EGF: variants seen among roughly 807,000 people sequenced by gnomAD.
The protein encoded by EGF is epidermal growth factor, also known as pro-epidermal growth factor.
Under a neutral mutation model 143.8 loss-of-function variants are expected in EGF, and 95 were observed. The observed-to-expected ratio is 0.66, with a 90% CI of 0.56 to 0.78. The LOEUF is 0.78. Ranked by LOEUF, EGF falls within the 30% of genes least tolerant of loss-of-function variation. EGF has a pLI of 0.00. For synonymous variants in EGF, 510 were observed against 510.5 expected (o/e 1.00, Z 0.01); for missense variants, 1,320 against 1,470.9 (o/e 0.90, Z 1.68).
At chr4:110,001,059 C>T (rs2126177751) in intron 21 of EGF, among the ~76,000 whole-genome samples, 1 of 152,288 alleles carries the variant, frequency 6.6e-6, no homozygotes, top group South Asian at 2.1e-4. Context: ...CTGCTATAGC[C>T]TAGTGTAGTG....
rs772364753 is a variant in EGF, at chr4:109,988,690, A to G, written c.2715A>G (p.Gly905=). ...GCCGGTGCTCAGAAGGCTACCAAGG[A>G]GATGGGATTCACTGTCTTGGTAAGA... ...YVCRCSEGYQ[G]DGIHCLDIDE... Residue 905 remains glycine (G), a synonymous_variant, in exon 18 of 24, where the codon GGA becomes GGG. Coordinates refer to ENST00000265171, the MANE Select transcript of EGF (RefSeq NM_001963.6). The G allele has an allele frequency of 2.5e-6, 4 of 1,614,010 alleles. No individual in the cohort carries two copies. The highest frequency in any genetic ancestry group is 3.4e-6 in the Non-Finnish European group (4 of 1,179,908).
chr4:109,993,910 G>T (rs1751392794), intron 19 of EGF, among the ~76,000 whole-genome samples: 2 of 151,984 alleles, frequency 1.3e-5, no homozygotes, highest in African/African-American at 4.8e-5. Flanking sequence ...AGGGGAGCTG[G>T]CTTCACCTAG....
chr4:109,938,382 C>T (rs1271632266), intron 1 of EGF, among the ~76,000 whole-genome samples: 1 of 152,212 alleles, frequency 6.6e-6, no homozygotes, highest in Non-Finnish European at 1.5e-5. Flanking sequence ...TTAAGCTCTT[C>T]TCTACACTGT....
At chr4:109,991,211 A>G (rs1434575861) in intron 18 of EGF, among the ~76,000 whole-genome samples, 1 of 136,454 alleles carries the variant, frequency 7.3e-6, no homozygotes, top group African/African-American at 3.5e-5. Flanking sequence ...CAAAATATTA[A>G]CATTTTAATA....
intron 20 of EGF, among the ~76,000 whole-genome samples, chr4:109,998,079 G>A (rs1394990008): frequency 1.3e-5 from 2 of 152,182 alleles, no homozygotes; most frequent in African/African-American, 4.8e-5. Flanking sequence ...ATAAGACTCA[G>A]TGAGGCTCTA....
intron 1 of EGF, among the ~76,000 whole-genome samples, chr4:109,922,824 T>C (rs1049604263): frequency 2.0e-5 from 3 of 151,670 alleles, no homozygotes; most frequent in Non-Finnish European, 4.4e-5. Context: ...GAGTACTAAA[T>C]GGATTAATTC....
rs1231665559 is a variant in EGF, at chr4:109,932,376, T to TATATATATATATATATATATATATAA, written c.128-8569_128-8568insTATATATATATATATATATATATAAA. Among the ~76,000 whole-genome samples, 10 of 126,178 alleles carry TATATATATATATATATATATATATAA rather than the reference T, an allele frequency of 7.9e-5. No homozygotes were observed. The East Asian group carries it at 1.9e-3, about 24-fold the overall frequency. The allele number at this position is 126,178 out of a possible 152,430, so 82.8% of individuals were successfully genotyped here. On this transcript the variant is annotated intron_variant, in intron 1 of 23. Transcript: ENST00000265171. Reference sequence around the variant, plus strand: ...CCATTTAGTCATATATATATATATATAAATTTTTTTTTTTTTTTTTGAGAC... The same window carrying TATATATATATATATATATATATATAA: ...CCATTTAGTCATATATATATATATATATATATATATATATATATATATATAAAAATTTTTTTTTTTTTTTTTGAGAC...
At chr4:109,962,650 G>T in intron 8 of EGF, among the ~76,000 whole-genome samples, 1 of 152,328 alleles carries the variant, frequency 6.6e-6, no homozygotes, top group African/African-American at 2.4e-5. Context: ...CCACTGGAAT[G>T]TGAAGGATTA....
Position 109,969,029 on chromosome 4 carries a change from A to C in EGF, c.1634A>C (p.Gln545Pro), listed in dbSNP as rs1747123400. Residue 545 changes from glutamine (Q) to proline (P), a missense_variant, in exon 11 of 24, where the codon CAG becomes CCG. Around this residue, in one of 5 missense-constraint regions of EGF, gnomAD observed 1,186 missense variants for 1,313.7 expected, o/e 0.90. Transcript: ENST00000265171. ...WIERANMDGS[Q>P]RERLIEEGVD... ...GAGAGAGCTAATATGGATGGTTCCC[A>C]GCGAGAAAGGCTTATTGAGGAAGGA... is the stretch of plus-strand genomic sequence containing the variant. The C allele has an allele frequency of 6.2e-7, 1 of 1,614,218 alleles. No homozygotes were observed. The highest frequency in any genetic ancestry group is 1.1e-5 in the South Asian group (1 of 91,082).
intron 13 of EGF, among the ~76,000 whole-genome samples, chr4:109,979,620 G>T (rs1026793351): frequency 6.6e-6 from 1 of 152,100 alleles, no homozygotes; most frequent in African/African-American, 2.4e-5. Context: ...TAAGTTACTC[G>T]AGTTTAGTCT....
intron 11 of EGF, among the ~76,000 whole-genome samples, chr4:109,971,373 G>A (rs1411541649): frequency 4.6e-5 from 7 of 152,162 alleles, no homozygotes; most frequent in African/African-American, 1.4e-4. Flanking sequence ...TGTCGGCTGT[G>A]TATAATAACA....
In EGF at chr4:109,951,146, AAAAATAAAATAAAATAAAAT is replaced by A. The variant is rs59869160; in HGVS notation, c.940+5907_940+5926del. Among the ~76,000 whole-genome samples the A allele has an allele frequency of 1.8e-3, 240 of 132,992 alleles. 1 individual carries two copies. The highest frequency in any genetic ancestry group is 5.9e-3 in the African/African-American group (202 of 34,182). The allele number at this position is 132,992 out of a possible 152,430, so 87.2% of individuals were successfully genotyped here. On this transcript the variant is annotated intron_variant, in intron 5 of 23. Coordinates refer to ENST00000265171, the MANE Select transcript of EGF (RefSeq NM_001963.6). The stretch of plus-strand genomic sequence containing the variant: ...ACATGGTGAAACCCTGTCTCTACTA[AAAAATAAAATAAAATAAAAT>A]AAAATAAAATAAAATAAAATAAAAT...
chr4:109,995,808 A>G (rs1751717681), intron 20 of EGF, among the ~76,000 whole-genome samples: 1 of 152,244 alleles, frequency 6.6e-6, no homozygotes. Context: ...ATCAGTAATA[A>G]TGAACAGAAT....
intron 20 of EGF, among the ~76,000 whole-genome samples, chr4:109,998,764 G>A (rs916075200): frequency 6.6e-6 from 1 of 152,114 alleles, no homozygotes; most frequent in Non-Finnish European, 1.5e-5. Context: ...TTTTTATTCC[G>A]TTAAGTCCTT....
intron 18 of EGF, among the ~76,000 whole-genome samples, chr4:109,989,315 C>T (rs188910905): frequency 2.6e-5 from 4 of 152,292 alleles, no homozygotes; most frequent in Admixed American, 2.0e-4. Context: ...GTGGATGTCT[C>T]ATACGTTTCC....
At chr4:109,950,004 C>T (rs1325454479) in intron 5 of EGF, among the ~76,000 whole-genome samples, 5 of 152,182 alleles carry the variant, frequency 3.3e-5, no homozygotes, top group Admixed American at 2.6e-4. Context: ...TGACCAGTTT[C>T]CTGAAGAGCA....
chr4:109,949,311 C>T (rs1743409895), intron 5 of EGF, among the ~76,000 whole-genome samples: 1 of 152,134 alleles, frequency 6.6e-6, no homozygotes, highest in African/African-American at 2.4e-5. Context: ...AGGTGATCCA[C>T]CTGCCTCAGC....
At chr4:110,006,595 C>T (rs1440420264) in intron 22 of EGF, among the ~76,000 whole-genome samples, 1 of 152,136 alleles carries the variant, frequency 6.6e-6, no homozygotes, top group Non-Finnish European at 1.5e-5. Context: ...TCTAAATTAC[C>T]CAGATGTCAC....
chr4:109,968,091 T>G (rs1746899544), intron 10 of EGF, among the ~76,000 whole-genome samples: 1 of 152,118 alleles, frequency 6.6e-6, no homozygotes, highest in Non-Finnish European at 1.5e-5. Flanking sequence ...AGAAAAGTAA[T>G]TTCACTATGA....
Sources: gnomAD v4.1 joint callset for allele counts (sites outside exome capture counted in the v4.1 genomes callset) on GRCh38, gnomAD v4.1.1 for gene constraint, gnomAD v4.1.1 regional missense constraint, MANE v1.5 for transcripts, NCBI Gene and HGNC (gene_info 2026-07-23, HGNC 2026-07-21) for gene names.